The following DRICH1 variants were observed in gnomAD, a reference collection of about 807,000 sequenced individuals.
DRICH1 encodes aspartate-rich protein 1.
DRICH1 carries 38 observed loss-of-function variants against 39.5 expected under a neutral mutation model. The ratio of observed to expected loss-of-function variants is 0.96; its 90% CI spans 0.74 to 1.26. The LOEUF is 1.26. Among genes scored for constraint, DRICH1 ranks in the 50% most tolerant of loss-of-function variants. DRICH1 has a pLI of 0.00. For missense variants in DRICH1, 279 were observed against 270.4 expected (o/e 1.03, Z -0.22); for synonymous variants, 84 against 99.5 (o/e 0.84, Z 0.93).
At chr22:23,608,419 G>A (rs1334196813), downstream of DRICH1, 8 of 368,278 alleles carry the variant, frequency 2.2e-5, no homozygotes, top group Non-Finnish European at 4.0e-5. Context: ...CCCCTCATTG[G>A]GTCAGACCTG....
the DRICH1 span, among the ~76,000 whole-genome samples, chr22:23,599,185 G>C: frequency 1.1e-4 from 16 of 152,200 alleles, no homozygotes; most frequent in Admixed American, 1.0e-3. Flanking sequence ...GGCATTCAGG[G>C]CCTTTATTCT....
At position 23,608,730 on chromosome 22, in the gene DRICH1, G is replaced by A; in HGVS notation, c.*34C>T. Reference sequence around the variant, plus strand: ...TGCAGCACGCGCTGGCCTGCCCTTTGGGTCAGCACCCTGGTCAGCTCCACA... The same window carrying A: ...TGCAGCACGCGCTGGCCTGCCCTTTAGGTCAGCACCCTGGTCAGCTCCACA... On this transcript the variant is annotated 3_prime_UTR_variant, in exon 12 of 12. Transcript: ENST00000317749. 6.4e-7 allele frequency: 1 copy of A among 1,555,316 alleles called. No individual in the cohort carries two copies. Among genetic ancestry groups the A allele is most frequent in the Non-Finnish European group, 8.7e-7 (1 of 1,148,426 alleles).
At chr22:23,584,870 C>A in the DRICH1 span, among the ~76,000 whole-genome samples, 3 of 152,076 alleles carry the variant, frequency 2.0e-5, no homozygotes, top group Non-Finnish European at 2.9e-5. Flanking sequence ...AATCATAGCT[C>A]ACTGCAGCCT....
At chr22:23,597,537 G>C in the DRICH1 span, among the ~76,000 whole-genome samples, 1 of 151,380 alleles carries the variant, frequency 6.6e-6, no homozygotes, top group Non-Finnish European at 1.5e-5. Context: ...GAAAAGAAAA[G>C]TACATAAATA....
At chr22:23,590,351 C>T in the DRICH1 span, among the ~76,000 whole-genome samples, 1 of 149,076 alleles carries the variant, frequency 6.7e-6, no homozygotes, top group Non-Finnish European at 1.5e-5. Context: ...GGTCTCAGCT[C>T]ACTGCAACCT....
the DRICH1 span, among the ~76,000 whole-genome samples, chr22:23,599,870 C>G: frequency 3.3e-5 from 5 of 152,194 alleles, no homozygotes; most frequent in Admixed American, 2.6e-4. Flanking sequence ...TCCCAGGGGA[C>G]CCCAGTGCCA....
chr22:23,598,292 C>T, the DRICH1 span, among the ~76,000 whole-genome samples: 5,435 of 128,370 alleles, frequency 0.042, 329 homozygotes, highest in Middle Eastern at 0.087. Flanking sequence ...GATCACACAG[C>T]ATGTCACCCA....
At chr22:23,600,529 C>G in the DRICH1 span, among the ~76,000 whole-genome samples, 9 of 152,190 alleles carry the variant, frequency 5.9e-5, no homozygotes, top group African/African-American at 2.2e-4. Context: ...TAGCTCAGGT[C>G]TGGGCACAGG....
chr22:23,622,130 T>A lies in DRICH1; in HGVS notation c.345A>T (p.Glu115Asp). The change falls in exon 4 of 12, where the codon GAA becomes GAT. Residue 115 changes from glutamate to aspartate, a missense_variant. Physicochemically the swap from Glu to Asp is conservative, Grantham distance 45. Coordinates refer to ENST00000317749, the MANE Select transcript of DRICH1 (RefSeq NM_016449.4). ...NLSLVCLPRS[E>D]DDDCDDDDDD... ...CATCATCATCATCACAGTCATCATC[T>A]TCACTTCGTGGTAGGCATACTAAAC... 1.9e-6 allele frequency: 3 copies of A among 1,614,026 alleles called. No individual in the cohort carries two copies. Among genetic ancestry groups the A allele is most frequent in the East Asian group, 2.2e-5 (1 of 44,878 alleles).
the DRICH1 span, among the ~76,000 whole-genome samples, chr22:23,596,167 C>T: frequency 0.11 from 16,972 of 152,122 alleles, 1,014 homozygotes; most frequent in Middle Eastern, 0.15. Context: ...CTTTCTGTCT[C>T]TTCTGAGAGT....
chr22:23,601,142 G>A, the DRICH1 span, among the ~76,000 whole-genome samples: 2 of 138,996 alleles, frequency 1.4e-5, no homozygotes, highest in Non-Finnish European at 3.1e-5. Flanking sequence ...CCTAACGCAC[G>A]CGCGCACACA....
At chr22:23,626,898 G>C (rs1484280942) in intron 1 of DRICH1, among the ~76,000 whole-genome samples, 1 of 152,024 alleles carries the variant, frequency 6.6e-6, no homozygotes, top group Non-Finnish European at 1.5e-5. Context: ...TCACAGCCCT[G>C]AGATTCCCAC....
chr22:23,628,070 G>A (rs186261730), intron 1 of DRICH1, among the ~76,000 whole-genome samples: 2 of 152,316 alleles, frequency 1.3e-5, no homozygotes, highest in Admixed American at 1.3e-4. Flanking sequence ...TGACACTGAA[G>A]ATTCCAAACC....
chr22:23,588,606 C>A, the DRICH1 span, among the ~76,000 whole-genome samples: 1 of 152,194 alleles, frequency 6.6e-6, no homozygotes, highest in African/African-American at 2.4e-5. Flanking sequence ...GTGCCTAGGG[C>A]CACCATTTAA....
At chr22:23,595,579 A>G in the DRICH1 span, among the ~76,000 whole-genome samples, 169 of 152,208 alleles carry the variant, frequency 1.1e-3, no homozygotes, top group African/African-American at 2.5e-3. Context: ...AAGTAAACAC[A>G]TTGTTTATAG....
intron 11 of DRICH1, 143 bp from the exon 12 acceptor site, chr22:23,608,911 G>A: frequency 1.1e-6 from 1 of 894,922 alleles, no homozygotes; most frequent in Non-Finnish European, 1.8e-6. Flanking sequence ...TACAGATGCG[G>A]AAACTCATCA....
chr22:23,597,413 G>C, the DRICH1 span, among the ~76,000 whole-genome samples: 1 of 136,860 alleles, frequency 7.3e-6, no homozygotes, highest in African/African-American at 2.8e-5. Flanking sequence ...TAAGGTCAGT[G>C]CATCTATTGA....
chr22:23,595,606 G>A, the DRICH1 span, among the ~76,000 whole-genome samples: 3 of 152,218 alleles, frequency 2.0e-5, no homozygotes, highest in Non-Finnish European at 4.4e-5. Context: ...TTTCTAGGTG[G>A]CTTCATAAAT....
At position 23,611,292 on chromosome 22, in the gene DRICH1, A is replaced by T. The variant is rs557880514; in HGVS notation, c.685+1997T>A. ...ACATTCCCCATCTGTATAATGACTAAAACAAAACTAATTCTGTCTCAAAGT... is the reference window on the plus strand; with the variant it reads ...ACATTCCCCATCTGTATAATGACTATAACAAAACTAATTCTGTCTCAAAGT... On this transcript the variant is annotated intron_variant, in intron 11 of 11. Transcript: ENST00000317749. 3.1e-4 allele frequency among the ~76,000 whole-genome samples: 47 copies of T among 152,314 alleles called. No individual in the cohort carries two copies. In the South Asian group the frequency reaches 9.1e-3, roughly 30 times the overall value.
Sources: gnomAD v4.1 joint callset for allele counts (sites outside exome capture counted in the v4.1 genomes callset) on GRCh38, gnomAD v4.1.1 for gene constraint, MANE v1.5 for transcripts, NCBI Gene and HGNC (gene_info 2026-07-23, HGNC 2026-07-21) for gene names.